The following GALNT16 variants were observed in gnomAD, a reference collection of about 807,000 sequenced individuals.
The protein encoded by GALNT16 is UDP-GalNAc:polypeptide N-acetylgalactosaminyltransferase-like protein 1.
In GALNT16, 40 loss-of-function variants were observed where a neutral mutation model predicts 76.1. The ratio of observed to expected loss-of-function variants is 0.53; its 90% CI spans 0.41 to 0.68. The LOEUF is 0.68. Among genes scored for constraint, GALNT16 ranks in the 30% least tolerant of loss-of-function variants. The pLI, the probability that GALNT16 is intolerant of heterozygous loss-of-function variation, is 0.00. For synonymous variants in GALNT16, 276 were observed against 285.2 expected, an observed-to-expected ratio of 0.97 and a Z score of 0.32; for missense variants, 621 against 731.9, an observed-to-expected ratio of 0.85 and a Z score of 1.75.
chr14:69,365,773 G>A, the GALNT16 span, among the ~76,000 whole-genome samples: 1 of 148,490 alleles, frequency 6.7e-6, no homozygotes, highest in African/African-American at 2.5e-5. Context: ...ATGTACCCCT[G>A]AGCTTAAAAG....
rs1555397885 is a variant in GALNT16, at chr14:69,296,728, T to TC, written c.178-23983_178-23982insC. The stretch of plus-strand genomic sequence containing the variant: ...AAAACTAGATAGATGGACAGATAGA[T>TC]GATAGATAGATAGATAGATAGATAG... On this transcript the variant is annotated intron_variant, in intron 1 of 14. Transcript: ENST00000448469. 4.9e-5 allele frequency among the ~76,000 whole-genome samples: 7 copies of TC among 142,058 alleles called. No individual in the cohort carries two copies. The South Asian group carries it at 1.2e-3, about 24-fold the overall frequency. 93.2% of individuals were successfully genotyped at this position (142,058 alleles called of 152,430 possible).
At chr14:69,367,907 C>T in the GALNT16 span, among the ~76,000 whole-genome samples, 2 of 152,040 alleles carry the variant, frequency 1.3e-5, no homozygotes, top group Non-Finnish European at 2.9e-5. Flanking sequence ...GTGCGAGGAT[C>T]GCTTGAGCCC....
In GALNT16 at chr14:69,333,645, A is replaced by T. The variant is rs2045384331; in HGVS notation, c.967+45A>T. The T allele has an allele frequency of 1.0e-6, 1 of 981,876 alleles. No individual in the cohort carries two copies. Among genetic ancestry groups the T allele is most frequent in the East Asian group, 2.4e-5 (1 of 42,108 alleles). 60.8% of individuals were successfully genotyped at this position (981,876 alleles called of 1,614,324 possible). The stretch of plus-strand genomic sequence containing the variant: ...CAGTGAAAATAACAGTAGCAGTAAT[A>T]ACCACAGTTAACCCTGACAGAGCAC... On this transcript the variant is annotated intron_variant, in intron 9 of 14. Coordinates refer to ENST00000448469, the MANE Select transcript of GALNT16 (RefSeq NM_001168368.2). The surrounding 1 kb of genome is among the most constrained non-coding windows in gnomAD (Gnocchi z 4.2).
chr14:69,296,130 A>G (rs985132957), intron 1 of GALNT16, among the ~76,000 whole-genome samples: 51 of 152,178 alleles, frequency 3.4e-4, no homozygotes, highest in African/African-American at 1.2e-3. Context: ...GGAGAAGGTA[A>G]AGGGGGTGTG....
intron 1 of GALNT16, among the ~76,000 whole-genome samples, chr14:69,317,861 C>G (rs144481054): frequency 1.8e-3 from 280 of 152,248 alleles, no homozygotes; most frequent in African/African-American, 6.5e-3. Flanking sequence ...AGTTCAAGAG[C>G]TGGAAGGAAA....
Position 69,275,508 on chromosome 14 carries a change from C to A in GALNT16, c.177+15041C>A, listed in dbSNP as rs560775932. 2.0e-5 allele frequency among the ~76,000 whole-genome samples: 3 copies of A among 152,230 alleles called. No homozygotes were observed. The South Asian group carries it at 6.2e-4, about 32-fold the overall frequency. The stretch of plus-strand genomic sequence containing the variant: ...ATACAAAACAATTCCATATATCATC[C>A]TTGGGTGTGTCTATGTGTGTGTGTG... On this transcript the variant is annotated intron_variant, in intron 1 of 14. Coordinates refer to ENST00000448469, the MANE Select transcript of GALNT16 (RefSeq NM_001168368.2).
At chr14:69,321,169 G>A (rs569233595) in intron 2 of GALNT16, among the ~76,000 whole-genome samples, 1 of 152,352 alleles carries the variant, frequency 6.6e-6, no homozygotes, top group East Asian at 1.9e-4. Flanking sequence ...GGGTGAGCCA[G>A]GCGCTCTTGG....
intron 9 of GALNT16, among the ~76,000 whole-genome samples, chr14:69,334,672 G>A (rs1198150049): frequency 6.6e-6 from 1 of 152,114 alleles, no homozygotes; most frequent in Non-Finnish European, 1.5e-5. Flanking sequence ...TGTGGTCTTG[G>A]GGCACATGCA....
intron 1 of GALNT16, among the ~76,000 whole-genome samples, chr14:69,277,235 T>C (rs1019726683): frequency 5.3e-5 from 8 of 152,236 alleles, no homozygotes; most frequent in Admixed American, 2.6e-4. Flanking sequence ...CTTTTTTTAT[T>C]ATTATGCTTT....
At chr14:69,307,706 A>G (rs2044957096) in intron 1 of GALNT16, among the ~76,000 whole-genome samples, 1 of 152,190 alleles carries the variant, frequency 6.6e-6, no homozygotes, top group African/African-American at 2.4e-5. Flanking sequence ...GCCCACCTCA[A>G]CTAAGTTACT....
intron 1 of GALNT16, 57 bp from the exon 2 acceptor site, chr14:69,320,654 G>A (rs747969910): frequency 1.1e-4 from 167 of 1,538,366 alleles, no homozygotes; most frequent in Non-Finnish European, 1.4e-4. Context: ...CTGAGCACTC[G>A]CCAAGCAGTG....
At chr14:69,320,599 T>G in intron 1 of GALNT16, 112 bp from the exon 2 acceptor site, 3 of 822,072 alleles carry the variant, frequency 3.6e-6, no homozygotes, top group Non-Finnish European at 6.0e-6. Context: ...AGAGTTGGCG[T>G]AAGGCACAAA....
At chr14:69,296,663 A>ATACACTCT (rs1238364350) in intron 1 of GALNT16, among the ~76,000 whole-genome samples, 64 of 152,258 alleles carry the variant, frequency 4.2e-4, no homozygotes, top group African/African-American at 1.3e-3. Context: ...ACTGCACTCC[A>ATACACTCT]GCCTGTATGA....
chr14:69,362,313 A>C, the GALNT16 span, among the ~76,000 whole-genome samples: 1 of 152,050 alleles, frequency 6.6e-6, no homozygotes, highest in Non-Finnish European at 1.5e-5. Context: ...ATTCGTTTTG[A>C]GCTTGTTCAG....
At chr14:69,289,639 AG>A (rs2044663531) in intron 1 of GALNT16, among the ~76,000 whole-genome samples, 1 of 152,118 alleles carries the variant, frequency 6.6e-6, no homozygotes, top group African/African-American at 2.4e-5. Flanking sequence ...CTCCACCAGG[AG>A]TCTTCCTGGA....
chr14:69,288,659 C>A (rs186158330), intron 1 of GALNT16, among the ~76,000 whole-genome samples: 39 of 152,308 alleles, frequency 2.6e-4, no homozygotes, highest in Admixed American at 2.3e-3. Flanking sequence ...TTAATGGGCC[C>A]TTCCTAGGCT....
chr14:69,339,625 C>T lies in GALNT16; in HGVS notation c.1187+6C>T, dbSNP rs758471516. 5 of 1,537,088 alleles carry T rather than the reference C, an allele frequency of 3.3e-6. No homozygotes were observed. The highest frequency in any genetic ancestry group is 4.5e-5 in the East Asian group (2 of 43,974). On this transcript the variant is annotated splice_donor_region_variant and intron_variant, in intron 11 of 14. Transcript: ENST00000448469. Reference sequence around the variant, plus strand: ...ATCGGGAAGGCCTTCGGCAGGTGGGCCCCCCCAGCTCCACTGTCTGACTCC... The same window carrying T: ...ATCGGGAAGGCCTTCGGCAGGTGGGTCCCCCCAGCTCCACTGTCTGACTCC...
Position 69,327,656 on chromosome 14 carries a change from T to A in GALNT16, c.569-794T>A, listed in dbSNP as rs566281361. 1.4e-3 allele frequency among the ~76,000 whole-genome samples: 208 copies of A among 152,276 alleles called. 1 individual carries two copies. The highest frequency in any genetic ancestry group is 3.7e-3 in the South Asian group (18 of 4,820). ...TGGGGCAGAGGCATGGCTAGGGAAA[T>A]GTCTCCAAGGAGCTGCTTATACTCA... On this transcript the variant is annotated intron_variant, in intron 5 of 14. Transcript: ENST00000448469.
intron 12 of GALNT16, among the ~76,000 whole-genome samples, chr14:69,343,905 C>T (rs1416176164): frequency 1.3e-5 from 2 of 152,194 alleles, no homozygotes; most frequent in Non-Finnish European, 2.9e-5. Context: ...GAGCAGAAGT[C>T]CTCTTCTGTT....
Sources: gnomAD v4.1 joint callset for allele counts (sites outside exome capture counted in the v4.1 genomes callset) on GRCh38, gnomAD v4.1.1 for gene constraint, Gnocchi (gnomAD v3.1) non-coding constraint, MANE v1.5 for transcripts, NCBI Gene and HGNC (gene_info 2026-07-23, HGNC 2026-07-21) for gene names.